The following GMEB1 variants were observed in gnomAD, a reference collection of about 807,000 sequenced individuals.
The protein encoded by GMEB1 is glucocorticoid modulatory element-binding protein 1.
Under a neutral mutation model 52.4 loss-of-function variants are expected in GMEB1, and 6 were observed. That is an observed-to-expected ratio of 0.11 (90% confidence interval 0.06 to 0.23). The LOEUF (loss-of-function observed/expected upper bound fraction) is 0.23, where lower values mean the gene tolerates loss of function less well. Among genes scored for constraint, GMEB1 ranks in the 10% least tolerant of loss-of-function variants. The pLI is 1.00. For synonymous variants in GMEB1, 255 were observed against 244.9 expected, an observed-to-expected ratio of 1.04 and a Z score of -0.38; for missense variants, 486 against 685.6, an observed-to-expected ratio of 0.71 and a Z score of 3.25.
chr1:28,680,923 A>G lies in GMEB1; in HGVS notation c.-30-2660A>G, dbSNP rs10915184. Among the ~76,000 whole-genome samples the G allele has an allele frequency of 9.3e-3, 1,415 of 152,184 alleles. 22 individuals carry two copies. The highest frequency in any genetic ancestry group is 0.032 in the African/African-American group (1,311 of 41,512). On this transcript the variant is annotated intron_variant, in intron 1 of 9. Coordinates refer to ENST00000373816, the MANE Select transcript of GMEB1 (RefSeq NM_001319674.2). The stretch of plus-strand genomic sequence containing the variant: ...GCTGGACATGGTGGGGCATGCCTGT[A>G]ATCCCAGCTACTGTGGAGGCTGAGG...
Position 28,710,521 on chromosome 1 carries a change from T to G in GMEB1, c.870T>G (p.Asp290Glu), listed in dbSNP as rs772769682. ...AGGCATGTCTTTTGTTTTAAATAGATGCTGCTGTTCTCAACAATGTAGCAC... is the reference window on the plus strand; with the variant it reads ...AGGCATGTCTTTTGTTTTAAATAGAGGCTGCTGTTCTCAACAATGTAGCAC... ...RLIQAPFQVT[D>E]AAVLNNVAHT... The change falls in exon 9 of 10, where the codon GAT becomes GAG. Residue 290 changes from aspartate to glutamate, a missense_variant and splice_region_variant. By Grantham distance (45) the Asp-to-Glu change is conservative. This residue lies in a region of GMEB1 where 200 missense variants were observed against 253.5 expected (regional missense o/e 0.79). Coordinates refer to ENST00000373816, the MANE Select transcript of GMEB1 (RefSeq NM_001319674.2). 1.9e-6 allele frequency: 3 copies of G among 1,598,402 alleles called. No individual in the cohort carries two copies. The South Asian group carries it at 3.4e-5, about 18-fold the overall frequency.
intron 5 of GMEB1, among the ~76,000 whole-genome samples, chr1:28,695,302 G>T (rs191371283): frequency 1.3e-5 from 2 of 151,318 alleles, no homozygotes; most frequent in African/African-American, 4.9e-5. Context: ...GCGTGATCTC[G>T]GCTCACTGCA....
At position 28,707,422 on chromosome 1, in the gene GMEB1, C is replaced by T. The variant is rs144201066; in HGVS notation, c.868+3093C>T. 7.9e-5 allele frequency among the ~76,000 whole-genome samples: 12 copies of T among 152,052 alleles called. 2 individuals carry two copies. Among genetic ancestry groups the T allele is most frequent in the African/African-American group, 2.9e-4 (12 of 41,470 alleles). ...TGGGAAGCTCTTAAAGGAATTAGTC[C>T]AAGCAAGAGATAATGTATCATGGAT... On this transcript the variant is annotated intron_variant, in intron 8 of 9. Coordinates refer to ENST00000373816, the MANE Select transcript of GMEB1 (RefSeq NM_001319674.2).
chr1:28,704,073 A>C, intron 7 of GMEB1, 119 bp from the exon 8 acceptor site: 43 of 875,740 alleles, frequency 4.9e-5, no homozygotes, highest in Non-Finnish European at 5.5e-5. Flanking sequence ...TTTTTCAGGA[A>C]TGGCCCAATA....
rs1382767800 is a variant in GMEB1, at chr1:28,709,125, C to T, written c.869-1395C>T. Among the ~76,000 whole-genome samples, 3 of 141,162 alleles carry T rather than the reference C, an allele frequency of 2.1e-5. No individual in the cohort carries two copies. In the East Asian group the frequency reaches 6.7e-4, roughly 32 times the overall value. 92.6% of individuals were successfully genotyped at this position (141,162 alleles called of 152,430 possible). A position where few individuals can be genotyped will look rare whatever the true frequency, so the allele number is the denominator to read the frequency against. ...CTCCAGCCTGGGCGACAGAGCAAGACTCCATCTCAAAAAAAAAAAAAAAAT... is the reference window on the plus strand; with the variant it reads ...CTCCAGCCTGGGCGACAGAGCAAGATTCCATCTCAAAAAAAAAAAAAAAAT... On this transcript the variant is annotated intron_variant, in intron 8 of 9. Coordinates refer to ENST00000373816, the MANE Select transcript of GMEB1 (RefSeq NM_001319674.2).
intron 5 of GMEB1, 67 bp from the exon 6 acceptor site, chr1:28,696,860 C>T (rs1374939223): frequency 3.2e-6 from 4 of 1,247,608 alleles, no homozygotes; most frequent in South Asian, 1.6e-5. Context: ...CCTATTTTTC[C>T]CTGAGGCCTA....
At chr1:28,705,235 G>GA (rs922245138) in intron 8 of GMEB1, among the ~76,000 whole-genome samples, 99 of 143,472 alleles carry the variant, frequency 6.9e-4, no homozygotes, top group South Asian at 8.8e-4. Context: ...CTAAAAATAT[G>GA]AAAAAAAAAA....
In GMEB1 at chr1:28,690,115, C is replaced by A; in HGVS notation, c.140C>A (p.Ala47Asp). Residue 47 changes from alanine (A) to aspartate (D), a missense_variant, in exon 3 of 10, where the codon GCT becomes GAT. Ala to Asp is a moderately radical substitution (Grantham distance 126). Coordinates refer to ENST00000373816, the MANE Select transcript of GMEB1 (RefSeq NM_001319674.2). ...LQPVQQGIYE[A>D]GSENNTAVVA... ...CACTTTTACAACAGGATTTATGAAG[C>A]TGGGTCGGAGAACAACACGGCAGTT... The A allele has an allele frequency of 6.2e-7, 1 of 1,602,562 alleles. No individual in the cohort carries two copies. Among genetic ancestry groups the A allele is most frequent in the Non-Finnish European group, 8.5e-7 (1 of 1,173,906 alleles).
chr1:28,682,590 C>T (rs1332291762), intron 1 of GMEB1, among the ~76,000 whole-genome samples: 2 of 143,158 alleles, frequency 1.4e-5, no homozygotes, highest in South Asian at 2.2e-4. Flanking sequence ...CCACAGCACT[C>T]GTCTGGGCGA....
rs1360563247 is a variant in GMEB1, at chr1:28,672,260, G to T, written c.-31+3421G>T. On this transcript the variant is annotated intron_variant, in intron 1 of 9. Transcript: ENST00000373816. ...TTTTGAGACGGAGTCTCACTCTGTC[G>T]CCCAGGCTGGAGTGCAATGGCGCGA... 1.1e-4 allele frequency among the ~76,000 whole-genome samples: 15 copies of T among 138,698 alleles called. No homozygotes were observed. In the East Asian group the frequency reaches 3.1e-3, roughly 29 times the overall value. 91.0% of individuals were successfully genotyped at this position (138,698 alleles called of 152,430 possible).
At chr1:28,690,382 G>A (rs900193675) in intron 3 of GMEB1, among the ~76,000 whole-genome samples, 196 bp downstream of exon 3, 8 of 151,930 alleles carry the variant, frequency 5.3e-5, no homozygotes, top group Non-Finnish European at 1.0e-4. Flanking sequence ...TGCTAGGGTC[G>A]TCAGTTGGTT....
chr1:28,677,919 C>T (rs1215035061), intron 1 of GMEB1, among the ~76,000 whole-genome samples: 2 of 152,006 alleles, frequency 1.3e-5, no homozygotes, highest in African/African-American at 4.8e-5. Flanking sequence ...CATGGTGGCT[C>T]ACGCTTGTAA....
At chr1:28,689,763 A>G (rs919899508) in intron 2 of GMEB1, 2 of 181,632 alleles carry the variant, frequency 1.1e-5, no homozygotes, top group African/African-American at 4.7e-5. Context: ...CTTTGCAACT[A>G]AAAAGCATGG....
chr1:28,690,177 G>C lies in GMEB1; in HGVS notation c.202G>C (p.Glu68Gln). 2 of 1,322,270 alleles carry C rather than the reference G, an allele frequency of 1.5e-6. No homozygotes were observed. The highest frequency in any genetic ancestry group is 2.1e-6 in the Non-Finnish European group (2 of 935,384). The allele number at this position is 1,322,270 out of a possible 1,614,324, so 81.9% of individuals were successfully genotyped here. A position where few individuals can be genotyped will look rare whatever the true frequency, so the allele number is the denominator to read the frequency against. ...VETHTIHKIE[E>Q]GIDTGTIEAN... ...AACTCACACGATACACAAAATTGAA[G>C]AAGGGATTGGTAAGGGTTTTTTTGT... Residue 68 changes from glutamate to glutamine, a missense_variant, in exon 3 of 10, where the codon GAA becomes CAA. Physicochemically the swap from Glu to Gln is conservative, Grantham distance 29 (BLOSUM62 2). This residue lies in a region of GMEB1 where 88 missense variants were observed against 96.5 expected (regional missense o/e 0.91). Coordinates refer to ENST00000373816, the MANE Select transcript of GMEB1 (RefSeq NM_001319674.2).
rs1445866861 is a variant in GMEB1, at chr1:28,714,211, C to T, written c.1130C>T (p.Ser377Phe). ...AGGCCCCGGCTCCAGCGGCCAGCCT[C>T]CACCACTGTCTTGAGCCCTTCTCCT... is the stretch of plus-strand genomic sequence containing the variant. ...PKRPRLQRPA[S>F]TTVLSPSPPV... Residue 377 changes from serine (S) to phenylalanine (F), a missense_variant, in exon 10 of 10, where the codon TCC becomes TTC. By Grantham distance (155) the Ser-to-Phe change is radical. Coordinates refer to ENST00000373816, the MANE Select transcript of GMEB1 (RefSeq NM_001319674.2). 6.2e-7 allele frequency: 1 copy of T among 1,614,200 alleles called. No individual in the cohort carries two copies.
At chr1:28,699,362 T>C (rs1366050017) in intron 6 of GMEB1, among the ~76,000 whole-genome samples, 1 of 152,148 alleles carries the variant, frequency 6.6e-6, no homozygotes, top group African/African-American at 2.4e-5. Flanking sequence ...CTTACAAATA[T>C]GCCTGAGAAA....
chr1:28,694,057 C>T (rs1670086207), intron 5 of GMEB1, among the ~76,000 whole-genome samples: 1 of 151,814 alleles, frequency 6.6e-6, no homozygotes, highest in African/African-American at 2.4e-5. Flanking sequence ...TGGAAAAATG[C>T]TTATGACAAT....
intron 6 of GMEB1, among the ~76,000 whole-genome samples, chr1:28,698,639 C>T (rs1670345198): frequency 6.8e-6 from 1 of 146,976 alleles, no homozygotes; most frequent in Non-Finnish European, 1.5e-5. Flanking sequence ...GGCGCCACTG[C>T]ACTCCAGCCT....
At chr1:28,714,036 C>A in intron 9 of GMEB1, 37 bp from the exon 10 acceptor site, 1 of 1,479,914 alleles carries the variant, frequency 6.8e-7, no homozygotes, top group Non-Finnish European at 9.3e-7. Context: ...CAAGATTTTA[C>A]TTCCCTCTAC....
Sources: gnomAD v4.1 joint callset for allele counts (sites outside exome capture counted in the v4.1 genomes callset) on GRCh38, gnomAD v4.1.1 for gene constraint, gnomAD v4.1.1 regional missense constraint, MANE v1.5 for transcripts, NCBI Gene and HGNC (gene_info 2026-07-23, HGNC 2026-07-21) for gene names.